TAS2R1: variants seen among roughly 807,000 people sequenced by gnomAD.
The protein encoded by TAS2R1 is taste 2 receptor member 1.
For synonymous variants in TAS2R1, 141 were observed against 134.2 expected, an observed-to-expected ratio of 1.05 and a Z score of -0.35; for missense variants, 370 against 353.4, an observed-to-expected ratio of 1.05 and a Z score of -0.38.
At chr5:9,809,413 G>C in the TAS2R1 span, among the ~76,000 whole-genome samples, 1 of 152,034 alleles carries the variant, frequency 6.6e-6, no homozygotes, top group South Asian at 2.1e-4. Flanking sequence ...AGGTGATTAG[G>C]TTTAGATGAG....
In TAS2R1 at chr5:9,629,849, T is replaced by C. The variant is rs745758419; in HGVS notation, c.184A>G (p.Ile62Val). ...AVSRIFLQLF[I>V]FYVNVIVIFF... ...ATAACAATCACATTAACGTAGAAGA[T>C]GAACAACTGCAGAAAAATTCTAGAA... The change falls in exon 1 of 1, where the codon ATC becomes GTC. Residue 62 changes from isoleucine (I) to valine (V), a missense_variant. Transcript: ENST00000382492. The C allele has an allele frequency of 2.5e-6, 4 of 1,613,560 alleles. No homozygotes were observed. The highest frequency in any genetic ancestry group is 1.1e-5 in the South Asian group (1 of 91,000).
chr5:9,811,162 G>C, the TAS2R1 span, among the ~76,000 whole-genome samples: 716 of 152,250 alleles, frequency 4.7e-3, 3 homozygotes, highest in African/African-American at 0.017. Context: ...AGGCCCCAGA[G>C]AGCTGCCCAG....
At chr5:9,680,932 A>G (rs1740982551) in intron 1 of TAS2R1, among the ~76,000 whole-genome samples, 2 of 152,086 alleles carry the variant, frequency 1.3e-5, no homozygotes, top group Non-Finnish European at 2.9e-5. Context: ...GTATGGTGGC[A>G]GGGGCCTGTA....
chr5:9,836,579 G>C, the TAS2R1 span, among the ~76,000 whole-genome samples: 1 of 152,148 alleles, frequency 6.6e-6, no homozygotes, highest in East Asian at 1.9e-4. Flanking sequence ...AGGAGCCACT[G>C]CTATGTATAA....
the TAS2R1 span, among the ~76,000 whole-genome samples, chr5:9,889,136 C>T: frequency 0.18 from 28,123 of 152,150 alleles, 4,055 homozygotes; most frequent in African/African-American, 0.41. Flanking sequence ...TAATAAGCAG[C>T]ACCAGGGAGG....
chr5:9,719,714 G>A, the TAS2R1 span, among the ~76,000 whole-genome samples: 4 of 151,842 alleles, frequency 2.6e-5, 1 homozygote, highest in Non-Finnish European at 4.4e-5. Flanking sequence ...GGATCACGAG[G>A]TCAGGAAATC....
At chr5:9,728,276 A>G in the TAS2R1 span, among the ~76,000 whole-genome samples, 1 of 152,260 alleles carries the variant, frequency 6.6e-6, no homozygotes, top group Non-Finnish European at 1.5e-5. Flanking sequence ...TATTGCCTGC[A>G]ATACACAAAT....
the TAS2R1 span, among the ~76,000 whole-genome samples, chr5:9,726,217 C>T: frequency 6.6e-6 from 1 of 152,308 alleles, no homozygotes; most frequent in East Asian, 1.9e-4. Context: ...CACCAATCGA[C>T]ACTCTGTATC....
At chr5:9,818,461 G>A in the TAS2R1 span, among the ~76,000 whole-genome samples, 1 of 152,110 alleles carries the variant, frequency 6.6e-6, no homozygotes, top group Non-Finnish European at 1.5e-5. Context: ...AGTGGCTTAA[G>A]GCAACCACCA....
At chr5:9,651,889 G>A (rs927550616) in intron 2 of TAS2R1, among the ~76,000 whole-genome samples, 1 of 152,114 alleles carries the variant, frequency 6.6e-6, no homozygotes, top group African/African-American at 2.4e-5. Flanking sequence ...CTGAGCGGCT[G>A]GGCGTCCATC....
At chr5:9,879,456 C>CAGT in the TAS2R1 span, among the ~76,000 whole-genome samples, 1 of 152,136 alleles carries the variant, frequency 6.6e-6, no homozygotes, top group East Asian at 1.9e-4. Context: ...TCTTGGGATC[C>CAGT]AGTTCTTCTC....
At chr5:9,863,684 C>A in the TAS2R1 span, among the ~76,000 whole-genome samples, 3 of 152,238 alleles carry the variant, frequency 2.0e-5, no homozygotes, top group Non-Finnish European at 2.9e-5. Flanking sequence ...GGGCTTTATA[C>A]TCCAAACCCA....
the TAS2R1 span, among the ~76,000 whole-genome samples, chr5:9,797,292 T>TACAATGCACA: frequency 2.0e-5 from 3 of 152,210 alleles, no homozygotes; most frequent in Admixed American, 6.5e-5. Flanking sequence ...TGACGTACCC[T>TACAATGCACA]ACAATGCACA....
chr5:9,761,117 A>G, the TAS2R1 span: 1 of 152,164 alleles, frequency 6.6e-6, no homozygotes, highest in East Asian at 1.9e-4. Context: ...TTAATACACA[A>G]AAGATTATTG....
the TAS2R1 span, chr5:9,854,678 A>G: frequency 6.6e-6 from 1 of 152,248 alleles, no homozygotes; most frequent in African/African-American, 2.4e-5. Context: ...TATTAAAACT[A>G]AGATAAGGAT....
chr5:9,888,804 G>C, the TAS2R1 span, among the ~76,000 whole-genome samples: 1 of 152,230 alleles, frequency 6.6e-6, no homozygotes, highest in Non-Finnish European at 1.5e-5. Flanking sequence ...GACCACATGA[G>C]GGTGGGTGGG....
intron 2 of TAS2R1, among the ~76,000 whole-genome samples, chr5:9,639,704 T>C (rs1352840557): frequency 6.6e-6 from 1 of 152,250 alleles, no homozygotes; most frequent in African/African-American, 2.4e-5. Context: ...CATAAGCACT[T>C]GCTGCTTTAC....
At chr5:9,841,555 C>A in the TAS2R1 span, among the ~76,000 whole-genome samples, 1 of 152,120 alleles carries the variant, frequency 6.6e-6, no homozygotes, top group African/African-American at 2.4e-5. Flanking sequence ...TTCCATTTAA[C>A]TCTGTTTTAT....
chr5:9,721,395 C>T, the TAS2R1 span, among the ~76,000 whole-genome samples: 1 of 152,196 alleles, frequency 6.6e-6, no homozygotes, highest in Non-Finnish European at 1.5e-5. Context: ...TTAACTCTCC[C>T]AAGGGTCAAC....
Sources: allele counts gnomAD v4.1 joint callset (sites outside exome capture counted in the v4.1 genomes callset), GRCh38; gene constraint gnomAD v4.1.1; transcripts MANE v1.5; gene names NCBI Gene and HGNC (gene_info 2026-07-23, HGNC 2026-07-21).